Variants in PTMA observed in about 807,000 individuals in gnomAD.
The protein encoded by PTMA is prothymosin alpha.
In PTMA, 4 loss-of-function variants were observed where a neutral mutation model predicts 16.9. The observed-to-expected ratio is 0.24, with a 90% CI of 0.12 to 0.54. The LOEUF (loss-of-function observed/expected upper bound fraction) is 0.54, where lower values mean the gene tolerates loss of function less well. Ranked by LOEUF, PTMA falls within the 20% of genes least tolerant of loss-of-function variation. The pLI is 0.95. For synonymous variants in PTMA, 58 were observed against 47.9 expected, an observed-to-expected ratio of 1.21 and a Z score of -0.87; for missense variants, 120 against 137.7, an observed-to-expected ratio of 0.87 and a Z score of 0.64.
intron 1 of PTMA, 150 bp from the exon 2 acceptor site, chr2:231,711,198 G>C: frequency 1.6e-6 from 1 of 641,794 alleles, no homozygotes; most frequent in Non-Finnish European, 2.8e-6. Context: ...GTGGGAGAGG[G>C]ACCGCAGGGG....
rs1234032040 is a variant in PTMA at position 231,713,269 on chromosome 2, G to C, written c.*418G>C. ...CCATGTTCATTATAATCTCAAAGGA[G>C]AAAAAAAACCTTGTAAAAAAAGCAA... On this transcript the variant is annotated 3_prime_UTR_variant, in exon 5 of 5. Coordinates refer to ENST00000409115, the MANE Select transcript of PTMA (RefSeq NM_002823.5). The C allele has an allele frequency of 2.1e-6, 1 of 484,590 alleles. No individual in the cohort carries two copies. 30.0% of individuals were successfully genotyped at this position (484,590 alleles called of 1,614,324 possible).
chr2:231,711,438 C>T lies in PTMA; in HGVS notation c.117+19C>T, dbSNP rs1559287986. 6.2e-6 allele frequency: 10 copies of T among 1,613,176 alleles called. No individual in the cohort carries two copies. Among genetic ancestry groups the T allele is most frequent in the African/African-American group, 1.3e-5 (1 of 75,018 alleles). On this transcript the variant is annotated intron_variant, in intron 2 of 4. Transcript: ENST00000409115. Reference sequence around the variant, plus strand: ...GAATGCTGTGAGTGTCTGCTTTGCTCCTGAGCCCTGGCAGCTACCGCCCCA... The same window carrying T: ...GAATGCTGTGAGTGTCTGCTTTGCTTCTGAGCCCTGGCAGCTACCGCCCCA...
Position 231,712,955 on chromosome 2 carries a change from G to C in PTMA, c.*104G>C, listed in dbSNP as rs1056687516. Reference sequence around the variant, plus strand: ...CTAAACGTGGTCACCTTCGAGTAGAGAGGCCCGCCCGCCCACCGTGGGCAG... The same window carrying C: ...CTAAACGTGGTCACCTTCGAGTAGACAGGCCCGCCCGCCCACCGTGGGCAG... On this transcript the variant is annotated 3_prime_UTR_variant, in exon 5 of 5. Coordinates refer to ENST00000409115, the MANE Select transcript of PTMA (RefSeq NM_002823.5). 3 of 1,274,066 alleles carry C rather than the reference G, an allele frequency of 2.4e-6. No homozygotes were observed. In the African/African-American group the frequency reaches 4.6e-5, roughly 19 times the overall value. The allele number at this position is 1,274,066 out of a possible 1,614,324, so 78.9% of individuals were successfully genotyped here. A position where few individuals can be genotyped will look rare whatever the true frequency, so the allele number is the denominator to read the frequency against.
At chr2:231,709,861 G>T (rs1345612328) in intron 1 of PTMA, 1 of 259,606 alleles carries the variant, frequency 3.9e-6, no homozygotes, top group African/African-American at 2.2e-5. Context: ...GAGTCACCTT[G>T]GCGTCTCCTT....
intron 1 of PTMA, chr2:231,710,744 C>T (rs973149156): frequency 2.9e-6 from 1 of 339,678 alleles, no homozygotes; most frequent in Non-Finnish European, 6.0e-6. Flanking sequence ...AGGCCCCGGC[C>T]TGGGGCACCG....
Position 231,711,953 on chromosome 2 carries a change from G to A in PTMA, c.181G>A (p.Glu61Lys), listed in dbSNP as rs770394673. 3.1e-6 allele frequency: 5 copies of A among 1,587,938 alleles called. No homozygotes were observed. Among genetic ancestry groups the A allele is most frequent in the Non-Finnish European group, 1.7e-6 (2 of 1,166,578 alleles). Residue 61 changes from glutamate (E) to lysine (K), a missense_variant, in exon 3 of 5, where the codon GAG becomes AAG. Physicochemically the swap from Glu to Lys is moderately conservative, Grantham distance 56. Coordinates refer to ENST00000409115, the MANE Select transcript of PTMA (RefSeq NM_002823.5). ...AGACGAAGAAGAGGAAGAAGGTGGG[G>A]AGGAAGAGGAGGAGGAAGAAGAAGG... ...EVDEEEEEGGEEEEEEEEGDG... is the reference protein window; with the variant it reads ...EVDEEEEEGGKEEEEEEEGDG...
intron 4 of PTMA, 84 bp from the exon 5 acceptor site, chr2:231,712,720 T>C (rs2048534144): frequency 6.7e-7 from 1 of 1,501,900 alleles, no homozygotes; most frequent in Non-Finnish European, 9.0e-7. Flanking sequence ...TCCCTGGTTC[T>C]TGCTCTGCCA....
intron 4 of PTMA, 37 bp downstream of exon 4, chr2:231,712,553 C>T (rs536883686): frequency 1.2e-6 from 2 of 1,601,490 alleles, no homozygotes; most frequent in South Asian, 2.2e-5. Context: ...GGTTTGGCAT[C>T]TGGGTCTCCC....
Position 231,710,217 on chromosome 2 carries a change from G to T in PTMA, c.46-1131G>T, listed in dbSNP as rs773092118. 1.3e-5 allele frequency: 18 copies of T among 1,342,672 alleles called. No individual in the cohort carries two copies. The African/African-American group carries it at 2.6e-4, about 19-fold the overall frequency. 83.2% of individuals were successfully genotyped at this position (1,342,672 alleles called of 1,614,324 possible). A position where few individuals can be genotyped will look rare whatever the true frequency, so the allele number is the denominator to read the frequency against. On this transcript the variant is annotated intron_variant, in intron 1 of 4. Transcript: ENST00000409115. ...GGCCTGCCGGGGTGGCGGCAGTGGG[G>T]CGTCGAGTCGAGAGCCCGGCCGACC...
chr2:231,712,544 GT>G, intron 4 of PTMA, 28 bp downstream of exon 4: 1 of 1,611,428 alleles, frequency 6.2e-7, no homozygotes, highest in Non-Finnish European at 8.5e-7. Context: ...AAGAAGGGGG[GT>G]TTGGCATCTG....
At chr2:231,710,463 GGCGGAGCCGGGGTCCGCGGA>G in intron 1 of PTMA, 1 of 1,092,674 alleles carries the variant, frequency 9.2e-7, no homozygotes, top group South Asian at 2.5e-5. Flanking sequence ...GGCGAGAGCG[GGCGGAGCCGGGGTCCGCGGA>G]GCGGAGCGGG....
In PTMA at chr2:231,709,998, T is replaced by G. The variant is rs2048495404; in HGVS notation, c.45+1247T>G. On this transcript the variant is annotated intron_variant, in intron 1 of 4. Transcript: ENST00000409115. ...TTCTGGACTCAGTCCGGGAATGAGT[T>G]TGTGGGGTGAGAACACCGTCCCCAG... The G allele has an allele frequency of 7.4e-6, 8 of 1,074,036 alleles. No individual in the cohort carries two copies. In the East Asian group the frequency reaches 1.7e-4, roughly 23 times the overall value. 66.5% of individuals were successfully genotyped at this position (1,074,036 alleles called of 1,614,324 possible).
chr2:231,709,047 A>C (rs2106240879), intron 1 of PTMA, among the ~76,000 whole-genome samples: 1 of 152,142 alleles, frequency 6.6e-6, no homozygotes, highest in Non-Finnish European at 1.5e-5. Flanking sequence ...GGCCGGTATG[A>C]GTGGCGGCGG....
intron 1 of PTMA, chr2:231,711,116 C>A: frequency 7.4e-6 from 3 of 405,550 alleles, no homozygotes. Context: ...ACCGGGGCCG[C>A]TGTAGCGGGC....
In PTMA at chr2:231,708,566, TCATCCGCCTCCTTGCTCGCCG is replaced by T; in HGVS notation, c.-138_-118del. On this transcript the variant is annotated 5_prime_UTR_variant, in exon 1 of 5. Coordinates refer to ENST00000409115, the MANE Select transcript of PTMA (RefSeq NM_002823.5). The stretch of plus-strand genomic sequence containing the variant: ...TGAAAAGCCATCTTTGCATTGTTCC[TCATCCGCCTCCTTGCTCGCCG>T]CAGCCGCCTCCGCCGCGCGCCTCCT... 3.1e-6 allele frequency: 3 copies of T among 959,098 alleles called. No homozygotes were observed. Among genetic ancestry groups the T allele is most frequent in the African/African-American group, 1.6e-5 (1 of 61,846 alleles). 59.4% of individuals were successfully genotyped at this position (959,098 alleles called of 1,614,324 possible).
At chr2:231,708,870 C>CCGCG (rs1202130589) in intron 1 of PTMA, 119 bp downstream of exon 1, 7 of 1,246,230 alleles carry the variant, frequency 5.6e-6, no homozygotes, top group Non-Finnish European at 7.7e-6. Context: ...GGGAAACGGC[C>CCGCG]CGCCCCCGGC....
chr2:231,710,630 C>T (rs1426377930), intron 1 of PTMA: 29 of 461,208 alleles, frequency 6.3e-5, no homozygotes, highest in Admixed American at 1.2e-4. Flanking sequence ...ACCGGGCGCC[C>T]GGGGCCGCGC....
Position 231,712,429 on chromosome 2 carries a change from T to C in PTMA, c.212-14T>C, listed in dbSNP as rs749216624. On this transcript the variant is annotated splice_polypyrimidine_tract_variant and intron_variant, in intron 3 of 4. Coordinates refer to ENST00000409115, the MANE Select transcript of PTMA (RefSeq NM_002823.5). ...GAGGGAAGTGTGGTTTACCTGGCCT[T>C]TGATTCTCTCCAGGTGAGGAAGAGG... The C allele has an allele frequency of 6.2e-7, 1 of 1,612,946 alleles. No individual in the cohort carries two copies. The highest frequency in any genetic ancestry group is 2.2e-5 in the East Asian group (1 of 44,882).
chr2:231,709,132 G>A (rs1390849181), intron 1 of PTMA, among the ~76,000 whole-genome samples: 2 of 152,176 alleles, frequency 1.3e-5, no homozygotes, highest in African/African-American at 4.8e-5. Flanking sequence ...AGCGCGTTGG[G>A]AATCGGAAGT....
Sources: gnomAD v4.1 joint callset for allele counts (sites outside exome capture counted in the v4.1 genomes callset) on GRCh38, gnomAD v4.1.1 for gene constraint, MANE v1.5 for transcripts, NCBI Gene and HGNC (gene_info 2026-07-23, HGNC 2026-07-21) for gene names.